Variants in CAMTA1 observed in about 807,000 individuals in gnomAD.
The protein encoded by CAMTA1 is calmodulin binding transcription activator 1.
Under a neutral mutation model 170.9 loss-of-function variants are expected in CAMTA1, and 27 were observed. The observed-to-expected ratio is 0.16, with a 90% CI of 0.12 to 0.22. The LOEUF (loss-of-function observed/expected upper bound fraction) is 0.22. Among genes scored for constraint, CAMTA1 ranks in the 10% least tolerant of loss-of-function variants. The probability of loss-of-function intolerance (pLI) is 1.00; values close to 1 mark genes in which losing one functional copy is unlikely to be tolerated. For synonymous variants in CAMTA1, 833 were observed against 891.5 expected (o/e 0.93, Z 1.17); for missense variants, 1,619 against 2,217.2 (o/e 0.73, Z 5.42).
Position 7,259,853 on chromosome 1 carries a change from C to T in CAMTA1, c.438+10227C>T, listed in dbSNP as rs535718398. 4.0e-4 allele frequency among the ~76,000 whole-genome samples: 61 copies of T among 152,290 alleles called. 2 individuals carry two copies. The South Asian group carries it at 0.012, about 31-fold the overall frequency. On this transcript the variant is annotated intron_variant, in intron 5 of 22. Transcript: ENST00000303635. Reference sequence around the variant, plus strand: ...GCCTTTGTTCTCTGGGTGAAATGGTCCTGTTCTTCCATCCTTTAGCTCCTC... The same window carrying T: ...GCCTTTGTTCTCTGGGTGAAATGGTTCTGTTCTTCCATCCTTTAGCTCCTC...
chr1:6,824,936 G>A (rs1646939685), intron 2 of CAMTA1, among the ~76,000 whole-genome samples, 156 bp from the exon 3 acceptor site: 1 of 152,122 alleles, frequency 6.6e-6, no homozygotes, highest in South Asian at 2.1e-4. Context: ...TGATAAATGG[G>A]TAAATGAGTA....
At chr1:7,614,773 G>A (rs186804159) in intron 6 of CAMTA1, among the ~76,000 whole-genome samples, 78 of 152,198 alleles carry the variant, frequency 5.1e-4, no homozygotes, top group African/African-American at 1.7e-3. Flanking sequence ...CATCTGATGG[G>A]CCCCCAGCCC....
chr1:7,765,282 A>G (rs1357263421), intron 22 of CAMTA1, among the ~76,000 whole-genome samples: 1 of 152,226 alleles, frequency 6.6e-6, no homozygotes, highest in African/African-American at 2.4e-5. Flanking sequence ...TTGTCAGTGT[A>G]GAGAAATACT....
chr1:6,803,781 C>T (rs1476534631), intron 1 of CAMTA1, among the ~76,000 whole-genome samples: 2 of 152,142 alleles, frequency 1.3e-5, no homozygotes, highest in East Asian at 1.9e-4. Flanking sequence ...GAGGTGTGAT[C>T]GTAGCTCACT....
At chr1:7,168,684 G>T (rs1022543889) in intron 4 of CAMTA1, among the ~76,000 whole-genome samples, 10 of 152,348 alleles carry the variant, frequency 6.6e-5, no homozygotes, top group African/African-American at 2.4e-4. Flanking sequence ...GATTACAGGC[G>T]TGAGCTACTG....
At chr1:7,182,276 C>T (rs996046950) in intron 4 of CAMTA1, among the ~76,000 whole-genome samples, 4 of 152,236 alleles carry the variant, frequency 2.6e-5, no homozygotes, top group African/African-American at 9.6e-5. Context: ...CACAGTGGCT[C>T]ATGCCTGTAA....
chr1:6,963,985 G>T (rs754585389), intron 3 of CAMTA1, among the ~76,000 whole-genome samples: 3 of 152,052 alleles, frequency 2.0e-5, no homozygotes, highest in Non-Finnish European at 4.4e-5. Flanking sequence ...CGTCCTGGGT[G>T]CCCAGATAGG....
At chr1:6,915,126 G>T (rs1448359029) in intron 3 of CAMTA1, among the ~76,000 whole-genome samples, 1 of 152,134 alleles carries the variant, frequency 6.6e-6, no homozygotes, top group East Asian at 1.9e-4. Context: ...TTTGAAAAAA[G>T]AAAAGCCACT....
chr1:7,634,450 C>T lies in CAMTA1; in HGVS notation c.511-5950C>T, dbSNP rs570870593. On this transcript the variant is annotated intron_variant, in intron 6 of 22. Transcript: ENST00000303635. The surrounding 1 kb of genome is among the most constrained non-coding windows in gnomAD (Gnocchi z 6.2). ...GAAGTCATGGGGATTTTGAGGCCTTCGAGGGGTGCCGTCAACAGGCAGGTA... is the reference window on the plus strand; with the variant it reads ...GAAGTCATGGGGATTTTGAGGCCTTTGAGGGGTGCCGTCAACAGGCAGGTA... Among the ~76,000 whole-genome samples the T allele has an allele frequency of 1.1e-4, 16 of 151,926 alleles. No homozygotes were observed. The South Asian group carries it at 2.7e-3, about 26-fold the overall frequency.
At chr1:7,572,773 A>G (rs766524113) in intron 6 of CAMTA1, among the ~76,000 whole-genome samples, 1 of 152,220 alleles carries the variant, frequency 6.6e-6, no homozygotes, top group Non-Finnish European at 1.5e-5. Context: ...GGGGGAAGAC[A>G]CACATGTTCA....
Position 7,404,750 on chromosome 1 carries a change from C to T in CAMTA1, c.439-63080C>T, listed in dbSNP as rs76383404. On this transcript the variant is annotated intron_variant, in intron 5 of 22. Coordinates refer to ENST00000303635, the MANE Select transcript of CAMTA1 (RefSeq NM_015215.4). ...CCGCCTACGGGAAAGGAAGAGCCAGCCTCCTTTCCTTTGGGGCAGCTGGAA... is the reference window on the plus strand; with the variant it reads ...CCGCCTACGGGAAAGGAAGAGCCAGTCTCCTTTCCTTTGGGGCAGCTGGAA... Among the ~76,000 whole-genome samples, 1,086 of 152,290 alleles carry T rather than the reference C, an allele frequency of 7.1e-3. 8 individuals carry two copies. The highest frequency in any genetic ancestry group is 0.026 in the East Asian group (133 of 5,166).
At chr1:7,116,753 T>C (rs552206734) in intron 4 of CAMTA1, among the ~76,000 whole-genome samples, 1 of 151,082 alleles carries the variant, frequency 6.6e-6, no homozygotes, top group East Asian at 2.0e-4. Context: ...GTTCACGCCA[T>C]TCTTCTGCCT....
intron 1 of CAMTA1, among the ~76,000 whole-genome samples, chr1:6,786,972 G>C (rs1639589238): frequency 2.0e-5 from 3 of 152,134 alleles, no homozygotes; most frequent in African/African-American, 7.2e-5. Flanking sequence ...CTGGGAAAAG[G>C]GTCATGTGGC....
intron 3 of CAMTA1, among the ~76,000 whole-genome samples, chr1:6,849,734 C>A (rs1198792518): frequency 1.3e-5 from 2 of 151,902 alleles, no homozygotes; most frequent in Non-Finnish European, 2.9e-5. Context: ...TGGCTTACCA[C>A]TTAAAAAATA....
At chr1:7,208,018 G>C (rs936607508) in intron 4 of CAMTA1, among the ~76,000 whole-genome samples, 1 of 152,228 alleles carries the variant, frequency 6.6e-6, no homozygotes, top group African/African-American at 2.4e-5. Flanking sequence ...CTTTATAAAA[G>C]GGTAACACAT....
chr1:7,521,746 AC>A (rs1280144154), intron 6 of CAMTA1, among the ~76,000 whole-genome samples: 1 of 152,120 alleles, frequency 6.6e-6, no homozygotes, highest in African/African-American at 2.4e-5. Context: ...ACGGAGTTTC[AC>A]CATGTTGGCC....
At chr1:7,003,637 G>C (rs554882228) in intron 3 of CAMTA1, among the ~76,000 whole-genome samples, 1 of 152,226 alleles carries the variant, frequency 6.6e-6, no homozygotes, top group Admixed American at 6.5e-5. Context: ...ATCTCTCCTG[G>C]GTGTCTGGTT....
chr1:6,861,420 C>T (rs12568147), intron 3 of CAMTA1, among the ~76,000 whole-genome samples: 30,357 of 152,128 alleles, frequency 0.2, 3,601 homozygotes, highest in Non-Finnish European at 0.26. Flanking sequence ...GATCTCTAAC[C>T]CATACTTCTT....
intron 3 of CAMTA1, chr1:6,888,248 A>G (rs1673751005): frequency 1.0e-6 from 1 of 986,020 alleles, no homozygotes; most frequent in Non-Finnish European, 1.2e-6. Flanking sequence ...TTTTCCTTTA[A>G]CTTGCCATTT....
Sources: allele counts gnomAD v4.1 joint callset (sites outside exome capture counted in the v4.1 genomes callset), GRCh38; gene constraint gnomAD v4.1.1; non-coding constraint Gnocchi (gnomAD v3.1); transcripts MANE v1.5; gene names NCBI Gene and HGNC (gene_info 2026-07-23, HGNC 2026-07-21).